The following CADPS2 variants were observed in gnomAD, a reference collection of about 807,000 sequenced individuals.
The protein encoded by CADPS2 is calcium dependent secretion activator 2.
In CADPS2, 93 loss-of-function variants were observed where a neutral mutation model predicts 172.5. The ratio of observed to expected loss-of-function variants is 0.54; its 90% CI spans 0.46 to 0.64. The LOEUF (loss-of-function observed/expected upper bound fraction) is 0.64, where lower values mean the gene tolerates loss of function less well. Ranked by LOEUF, CADPS2 falls within the 30% of genes least tolerant of loss-of-function variation. The pLI is 0.00. For synonymous variants in CADPS2, 546 were observed against 555.2 expected, an observed-to-expected ratio of 0.98 and a Z score of 0.23; for missense variants, 1,420 against 1,565.9, an observed-to-expected ratio of 0.91 and a Z score of 1.57.
intron 6 of CADPS2, among the ~76,000 whole-genome samples, chr7:122,603,588 G>C (rs1029565384): frequency 4.6e-5 from 7 of 151,980 alleles, no homozygotes; most frequent in African/African-American, 1.7e-4. Flanking sequence ...AATAGTCCTT[G>C]AAATAGGTAC....
chr7:122,663,987 C>T (rs534392173), intron 2 of CADPS2, among the ~76,000 whole-genome samples: 5 of 149,418 alleles, frequency 3.3e-5, no homozygotes, highest in Middle Eastern at 3.4e-3. Flanking sequence ...CTCACAGACA[C>T]CAAATTGGCT....
intron 25 of CADPS2, among the ~76,000 whole-genome samples, chr7:122,364,474 C>T (rs1209937317): frequency 1.4e-5 from 2 of 146,580 alleles, no homozygotes; most frequent in Non-Finnish European, 3.0e-5. Flanking sequence ...CGGCTGAAAT[C>T]CCAGCACTTT....
intron 29 of CADPS2, among the ~76,000 whole-genome samples, chr7:122,320,582 C>G (rs1278536653): frequency 2.0e-5 from 3 of 152,152 alleles, no homozygotes; most frequent in African/African-American, 7.2e-5. Flanking sequence ...ATGACAAATT[C>G]ACTTTCCCCT....
intron 7 of CADPS2, among the ~76,000 whole-genome samples, chr7:122,579,821 T>G (rs2068567827): frequency 6.6e-6 from 1 of 151,982 alleles, no homozygotes; most frequent in Non-Finnish European, 1.5e-5. Flanking sequence ...TCTTAGGTAT[T>G]AACAAATACA....
In CADPS2 at chr7:122,474,382, A is replaced by G; in HGVS notation, c.1997T>C (p.Leu666Ser). 1 of 1,613,342 alleles carries G rather than the reference A, an allele frequency of 6.2e-7. No individual in the cohort carries two copies. ...DHRLNDSYSC[L>S]GWFSPGQVFV... is the part of the protein sequence containing the mutation. ...GGGACTAGATAGACTTGTACTCACC[A>G]AGCAAGAATAGGAATCATTCAGTCT... is the stretch of plus-strand genomic sequence containing the variant. Residue 666 changes from leucine to serine, a missense_variant and splice_region_variant, in exon 13 of 30, where the codon TTG (leucine) becomes TCG (serine). Coordinates refer to ENST00000449022, the MANE Select transcript of CADPS2 (RefSeq NM_017954.11).
chr7:122,722,933 G>A (rs188471752), intron 2 of CADPS2, among the ~76,000 whole-genome samples: 181 of 152,058 alleles, frequency 1.2e-3, no homozygotes, highest in African/African-American at 4.1e-3. Context: ...ATGGGTAAAC[G>A]ATTCCCTATT....
chr7:122,546,013 T>C (rs189504663), intron 8 of CADPS2, among the ~76,000 whole-genome samples: 3 of 152,300 alleles, frequency 2.0e-5, no homozygotes, highest in Non-Finnish European at 4.4e-5. Context: ...ATCATGAGAA[T>C]AAGATGTGCT....
rs1017339403 is a variant in CADPS2, at chr7:122,389,986, T to C, written c.3009-1248A>G. On this transcript the variant is annotated intron_variant, in intron 22 of 29. Coordinates refer to ENST00000449022, the MANE Select transcript of CADPS2 (RefSeq NM_017954.11). ...TTAGAAAAAAAGGCACCTCTTGCTCTTGACTAATGAAAAGCTTATTCCTGC... is the reference window on the plus strand; with the variant it reads ...TTAGAAAAAAAGGCACCTCTTGCTCCTGACTAATGAAAAGCTTATTCCTGC... Among the ~76,000 whole-genome samples the C allele has an allele frequency of 2.0e-5, 3 of 152,026 alleles. No homozygotes were observed. The South Asian group carries it at 6.2e-4, about 31-fold the overall frequency.
chr7:122,574,445 T>TAAAAAAAAAAAAAAAAAA (rs869077766), intron 7 of CADPS2, among the ~76,000 whole-genome samples: 1 of 37,974 alleles, frequency 2.6e-5, no homozygotes, highest in African/African-American at 1.1e-4. Flanking sequence ...GACCCTGTCT[T>TAAAAAAAAAAAAAAAAAA]AAAAAAAAAA....
At chr7:122,604,584 T>C (rs992815696) in intron 6 of CADPS2, among the ~76,000 whole-genome samples, 18 of 152,120 alleles carry the variant, frequency 1.2e-4, no homozygotes, top group African/African-American at 3.9e-4. Flanking sequence ...CTAAAGTCTT[T>C]AGAGTTCAGG....
At chr7:122,543,111 G>C (rs2063270264) in intron 8 of CADPS2, among the ~76,000 whole-genome samples, 1 of 151,798 alleles carries the variant, frequency 6.6e-6, no homozygotes, top group Non-Finnish European at 1.5e-5. Flanking sequence ...GGATATTTTG[G>C]AAACAGCTTC....
intron 1 of CADPS2, among the ~76,000 whole-genome samples, chr7:122,818,314 C>T (rs545793199): frequency 4.0e-4 from 61 of 152,236 alleles, no homozygotes; most frequent in African/African-American, 1.4e-3. Flanking sequence ...AATACAAACT[C>T]GACAGTAGTT....
At chr7:122,694,264 T>C (rs1036389050) in intron 2 of CADPS2, among the ~76,000 whole-genome samples, 1 of 152,124 alleles carries the variant, frequency 6.6e-6, no homozygotes, top group South Asian at 2.1e-4. Flanking sequence ...CTGCTTGGAA[T>C]GAGAACCAAG....
chr7:122,638,549 G>C (rs1210886525), intron 3 of CADPS2, among the ~76,000 whole-genome samples: 1 of 152,186 alleles, frequency 6.6e-6, no homozygotes, highest in Non-Finnish European at 1.5e-5. Flanking sequence ...CAGGGCCATG[G>C]CACCTCAACC....
Position 122,715,816 on chromosome 7 carries a change from A to G in CADPS2, c.453+21139T>C, listed in dbSNP as rs887668297. The stretch of plus-strand genomic sequence containing the variant: ...CCTAGTAAGGTACTACCAAAGCTTA[A>G]AGTCATCCACCCTGACACTAGCAGA... On this transcript the variant is annotated intron_variant, in intron 2 of 29. Transcript: ENST00000449022. Among the ~76,000 whole-genome samples the G allele has an allele frequency of 2.0e-5, 3 of 152,116 alleles. No individual in the cohort carries two copies. In the South Asian group the frequency reaches 6.2e-4, roughly 32 times the overall value.
chr7:122,521,591 A>T (rs2060801574), intron 8 of CADPS2, among the ~76,000 whole-genome samples: 1 of 152,048 alleles, frequency 6.6e-6, no homozygotes, highest in African/African-American at 2.4e-5. Context: ...GTTGGTTATT[A>T]TAGGCTTGAA....
chr7:122,659,331 G>A (rs1452798253), intron 3 of CADPS2, among the ~76,000 whole-genome samples: 9 of 105,104 alleles, frequency 8.6e-5, no homozygotes, highest in Admixed American at 1.8e-4. Context: ...AAAAAACACC[G>A]TGGAAAAAAA....
At chr7:122,512,775 A>G (rs1276384503) in intron 9 of CADPS2, among the ~76,000 whole-genome samples, 2 of 152,172 alleles carry the variant, frequency 1.3e-5, no homozygotes, top group African/African-American at 4.8e-5. Context: ...AGAATGATGC[A>G]GTGGTTCTCA....
chr7:122,761,114 C>T (rs1250079237), intron 1 of CADPS2, among the ~76,000 whole-genome samples: 1 of 152,110 alleles, frequency 6.6e-6, no homozygotes, highest in Non-Finnish European at 1.5e-5. Context: ...TTCTACACTG[C>T]TGGGCAACTG....
Sources: gnomAD v4.1 joint callset for allele counts (sites outside exome capture counted in the v4.1 genomes callset) on GRCh38, gnomAD v4.1.1 for gene constraint, MANE v1.5 for transcripts, NCBI Gene and HGNC (gene_info 2026-07-23, HGNC 2026-07-21) for gene names.